ESR1: variants seen among roughly 807,000 people sequenced by gnomAD.
ESR1 encodes estrogen receptor 1, also known as estrogen receptor.
A neutral mutation model predicts 52.7 loss-of-function variants in ESR1; 12 were observed. The observed-to-expected ratio is 0.23, with a 90% CI of 0.15 to 0.37. The LOEUF is 0.37. Ranked by LOEUF, ESR1 falls within the 10% of genes least tolerant of loss-of-function variation. The pLI is 1.00. For missense variants in ESR1, 584 were observed against 779.7 expected (o/e 0.75, Z 2.99); for synonymous variants, 305 against 316.8 (o/e 0.96, Z 0.39).
intron 3 of ESR1, among the ~76,000 whole-genome samples, chr6:151,939,796 G>T (rs1402251491): frequency 1.3e-5 from 2 of 151,628 alleles, no homozygotes; most frequent in African/African-American, 4.8e-5. Flanking sequence ...TGTTTTGTTT[G>T]TTAAGTTTGT....
intron 2 of ESR1, among the ~76,000 whole-genome samples, chr6:151,712,794 T>G (rs1165057608): frequency 6.6e-6 from 1 of 152,194 alleles, no homozygotes; most frequent in Non-Finnish European, 1.5e-5. Context: ...CAGAGACAAT[T>G]TAACTTCCTC....
At chr6:152,105,963 AT>A (rs76877123), downstream of ESR1, among the ~76,000 whole-genome samples, 59 of 131,618 alleles carry the variant, frequency 4.5e-4, no homozygotes, top group East Asian at 6.5e-4. Flanking sequence ...AATTTTTTGT[AT>A]TTTTTTTTTT....
At chr6:152,123,772 A>C (rs534790534) in intron 6 of ESR1, among the ~76,000 whole-genome samples, 1 of 152,348 alleles carries the variant, frequency 6.6e-6, no homozygotes, top group South Asian at 2.1e-4. Flanking sequence ...AATATCACCA[A>C]GGATAAGGAC....
chr6:151,819,813 T>G (rs1463960161), intron 1 of ESR1, among the ~76,000 whole-genome samples: 1 of 152,156 alleles, frequency 6.6e-6, no homozygotes, highest in Admixed American at 6.5e-5. Flanking sequence ...ATGAAACCGG[T>G]CATGGAACTG....
At chr6:151,977,824 G>A (rs1285027258) in intron 4 of ESR1, among the ~76,000 whole-genome samples, 1 of 151,548 alleles carries the variant, frequency 6.6e-6, no homozygotes, top group Non-Finnish European at 1.5e-5. Context: ...AAAAGTGACT[G>A]CAGGGGACTG....
intron 1 of ESR1, among the ~76,000 whole-genome samples, chr6:151,826,770 A>G (rs1009279231): frequency 2.6e-5 from 4 of 152,166 alleles, no homozygotes; most frequent in African/African-American, 7.2e-5. Flanking sequence ...CATCTACTCT[A>G]TGCCAGGTAT....
chr6:152,066,071 C>T (rs980221281), intron 6 of ESR1, among the ~76,000 whole-genome samples: 3 of 152,142 alleles, frequency 2.0e-5, no homozygotes, highest in African/African-American at 4.8e-5. Context: ...TGAAGCAGTG[C>T]CAGCTGCTGT....
chr6:152,127,961 G>GAAGGTGCCAGAGACCT (rs1338671165), exon 7 of ESR1: 1 of 152,110 alleles, frequency 6.6e-6, no homozygotes, highest in Non-Finnish European at 1.5e-5. Flanking sequence ...TCTCTGTAAA[G>GAAGGTGCCAGAGACCT]AAGGTGCCAG....
At chr6:151,993,487 CA>C (rs2041210449) in intron 4 of ESR1, among the ~76,000 whole-genome samples, 2 of 152,260 alleles carry the variant, frequency 1.3e-5, no homozygotes, top group African/African-American at 4.8e-5. Context: ...ACTCAAGCCA[CA>C]AAGAAAACAA....
At chr6:151,910,681 A>G (rs1798127779) in intron 3 of ESR1, among the ~76,000 whole-genome samples, 1 of 152,176 alleles carries the variant, frequency 6.6e-6, no homozygotes, top group Non-Finnish European at 1.5e-5. Flanking sequence ...CATTGTTTTC[A>G]AAGTAGTTTT....
intron 1 of ESR1, among the ~76,000 whole-genome samples, chr6:151,667,735 T>A (rs1344679481): frequency 6.6e-6 from 1 of 152,112 alleles, no homozygotes; most frequent in Non-Finnish European, 1.5e-5. Context: ...AGCATTTCTA[T>A]GGAAAGAAGG....
intron 4 of ESR1, among the ~76,000 whole-genome samples, chr6:151,961,630 T>C (rs2037673958): frequency 6.6e-6 from 1 of 151,998 alleles, no homozygotes; most frequent in Admixed American, 6.5e-5. Context: ...TGGGCTGCTT[T>C]GGGCACATGT....
chr6:152,117,781 C>CT (rs1484711203), intron 6 of ESR1, among the ~76,000 whole-genome samples: 3 of 152,190 alleles, frequency 2.0e-5, no homozygotes, highest in Admixed American at 6.5e-5. Context: ...TTAGGCCTGT[C>CT]TGTGGTAGCC....
intron 2 of ESR1, among the ~76,000 whole-genome samples, chr6:151,867,812 T>C (rs1403901675): frequency 1.3e-5 from 2 of 152,222 alleles, no homozygotes; most frequent in African/African-American, 4.8e-5. Context: ...TGTTTTCTTA[T>C]TCTGAGGTGG....
At chr6:151,747,740 G>A (rs1239046885) in intron 2 of ESR1, among the ~76,000 whole-genome samples, 2 of 152,120 alleles carry the variant, frequency 1.3e-5, no homozygotes, top group Non-Finnish European at 2.9e-5. Context: ...ACAATATGCG[G>A]TCTTTTGCGT....
At chr6:151,888,043 C>G (rs1794142714) in intron 3 of ESR1, among the ~76,000 whole-genome samples, 1 of 152,092 alleles carries the variant, frequency 6.6e-6, no homozygotes, top group Non-Finnish European at 1.5e-5. Flanking sequence ...TTCCATTGGT[C>G]AATACATGCT....
upstream of ESR1, chr6:151,690,386 T>C (rs555875825): frequency 5.5e-4 from 84 of 152,332 alleles, no homozygotes; most frequent in African/African-American, 1.9e-3. Flanking sequence ...CGGGCCTGGC[T>C]TGGCAAAAGC....
chr6:151,763,325 C>T (rs985027749), intron 2 of ESR1, among the ~76,000 whole-genome samples: 5 of 152,048 alleles, frequency 3.3e-5, no homozygotes, highest in Non-Finnish European at 7.3e-5. Context: ...ATTATTTCTA[C>T]GCATCCTCTC....
chr6:151,959,814 A>G (rs1432005259), intron 4 of ESR1, among the ~76,000 whole-genome samples: 2 of 152,252 alleles, frequency 1.3e-5, no homozygotes, highest in Non-Finnish European at 2.9e-5. Flanking sequence ...CTTGACCTCC[A>G]GAACTAACAT....
Sources: gnomAD v4.1 joint callset for allele counts (sites outside exome capture counted in the v4.1 genomes callset) on GRCh38, gnomAD v4.1.1 for gene constraint, MANE v1.5 for transcripts, NCBI Gene and HGNC (gene_info 2026-07-23, HGNC 2026-07-21) for gene names.